ABCD3: variants seen among roughly 807,000 people sequenced by gnomAD.
ABCD3 encodes the protein ATP binding cassette subfamily D member 3.
Under a neutral mutation model 105.5 loss-of-function variants are expected in ABCD3, and 41 were observed. The ratio of observed to expected loss-of-function variants is 0.39; its 90% CI spans 0.30 to 0.50. ABCD3 has a LOEUF of 0.50. ABCD3 is among the 20% of genes least tolerant of loss of function. The probability of loss-of-function intolerance (pLI) is 0.84; values close to 1 mark genes in which losing one functional copy is unlikely to be tolerated. For missense variants in ABCD3, 622 were observed against 806.3 expected, an observed-to-expected ratio of 0.77 and a Z score of 2.77; for synonymous variants, 258 against 269.0, an observed-to-expected ratio of 0.96 and a Z score of 0.40.
intron 21 of ABCD3, among the ~76,000 whole-genome samples, chr1:94,512,413 A>C (rs1650721196): frequency 6.6e-6 from 1 of 152,044 alleles, no homozygotes; most frequent in East Asian, 1.9e-4. Flanking sequence ...ATATATTTAA[A>C]TATGTTGTTT....
At chr1:94,511,609 C>T (rs1650676419) in intron 21 of ABCD3, among the ~76,000 whole-genome samples, 1 of 152,236 alleles carries the variant, frequency 6.6e-6, no homozygotes, top group East Asian at 1.9e-4. Context: ...TTCCATTCTC[C>T]CCGTCACTTT....
intron 20 of ABCD3, among the ~76,000 whole-genome samples, chr1:94,503,136 G>A (rs1650180857): frequency 6.6e-6 from 1 of 152,098 alleles, no homozygotes; most frequent in South Asian, 2.1e-4. Flanking sequence ...TTCTTCCAGT[G>A]TGGCCCAGGG....
At chr1:94,478,192 A>C in intron 7 of ABCD3, 67 bp from the exon 8 acceptor site, 4 of 943,228 alleles carry the variant, frequency 4.2e-6, no homozygotes, top group South Asian at 2.8e-5. Flanking sequence ...TATAGTTAAC[A>C]TGTTGTATTA....
chr1:94,421,822 T>C (rs1659269660), intron 1 of ABCD3, among the ~76,000 whole-genome samples: 1 of 152,174 alleles, frequency 6.6e-6, no homozygotes, highest in Admixed American at 6.5e-5. Context: ...TGTTACAGCA[T>C]CCTTTATCAG....
intron 1 of ABCD3, among the ~76,000 whole-genome samples, chr1:94,446,690 G>A (rs928213779): frequency 1.3e-5 from 2 of 152,202 alleles, no homozygotes; most frequent in Non-Finnish European, 2.9e-5. Flanking sequence ...TAAGGGTTGG[G>A]TAGATACAGG....
chr1:94,396,600 TGTGTGTGTGTGCGCGCGCGCACGTGC>T, the ABCD3 span, among the ~76,000 whole-genome samples: 1 of 150,924 alleles, frequency 6.6e-6, no homozygotes, highest in Non-Finnish European at 1.5e-5. Flanking sequence ...AGTGTGTGTG[TGTGTGTGTGTGCGCGCGCGCACGTGC>T]GTGTGTGTTT....
chr1:94,499,389 G>T, intron 19 of ABCD3, 106 bp from the exon 20 acceptor site: 1 of 1,241,070 alleles, frequency 8.1e-7, no homozygotes. Context: ...TCTTTTAAGT[G>T]GTACAGACAA....
chr1:94,386,198 G>A, the ABCD3 span, among the ~76,000 whole-genome samples: 36 of 152,340 alleles, frequency 2.4e-4, no homozygotes, highest in Non-Finnish European at 4.3e-4. Context: ...CCATGGATGG[G>A]TAGAAGGGTG....
At chr1:94,499,440 T>A in intron 19 of ABCD3, 55 bp from the exon 20 acceptor site, 1 of 1,549,686 alleles carries the variant, frequency 6.5e-7, no homozygotes, top group Non-Finnish European at 8.9e-7. Context: ...AAACCACTAT[T>A]AAGAATGTTG....
At chr1:94,510,174 A>T (rs924491610) in intron 21 of ABCD3, among the ~76,000 whole-genome samples, 5 of 152,000 alleles carry the variant, frequency 3.3e-5, no homozygotes, top group Non-Finnish European at 7.4e-5. Context: ...CGTCCCAGAG[A>T]TTCTGGTATG....
Position 94,467,912 on chromosome 1 carries a change from A to C in ABCD3, c.247-7A>C. 2 of 1,602,158 alleles carry C rather than the reference A, an allele frequency of 1.2e-6. No individual in the cohort carries two copies. Among genetic ancestry groups the C allele is most frequent in the Non-Finnish European group, 1.7e-6 (2 of 1,169,658 alleles). On this transcript the variant is annotated splice_polypyrimidine_tract_variant and splice_region_variant and intron_variant, in intron 3 of 22. Coordinates refer to ENST00000370214, the MANE Select transcript of ABCD3 (RefSeq NM_002858.4). The stretch of plus-strand genomic sequence containing the variant: ...GTATTTAATTTACTATACCTGGTTT[A>C]TTTTAGACAGGTTACTTGGTACTTA...
chr1:94,426,668 G>A (rs958791863), intron 1 of ABCD3, among the ~76,000 whole-genome samples: 2 of 151,368 alleles, frequency 1.3e-5, no homozygotes, highest in Non-Finnish European at 2.9e-5. Context: ...TCACCCTCCC[G>A]AGTAGCTGGG....
In ABCD3 at chr1:94,449,407, C is replaced by A. The variant is rs547528343; in HGVS notation, c.111-9200C>A. The stretch of plus-strand genomic sequence containing the variant: ...ATGGTACCTATGATAGCAGTGATTA[C>A]CATTGCCGTGAGTATTCCTTCAACA... On this transcript the variant is annotated intron_variant, in intron 1 of 22. Transcript: ENST00000370214. 3.3e-3 allele frequency among the ~76,000 whole-genome samples: 510 copies of A among 152,288 alleles called. 7 individuals carry two copies. The highest frequency in any genetic ancestry group is 0.012 in the African/African-American group (480 of 41,560).
At chr1:94,392,777 G>A in the ABCD3 span, among the ~76,000 whole-genome samples, 1 of 152,110 alleles carries the variant, frequency 6.6e-6, no homozygotes, top group African/African-American at 2.4e-5. Flanking sequence ...TCTTTATAGA[G>A]AGATTTGTGA....
rs530604596 is a variant in ABCD3, at chr1:94,483,984, T to C, written c.897+745T>C. Among the ~76,000 whole-genome samples, 3 of 152,278 alleles carry C rather than the reference T, an allele frequency of 2.0e-5. No individual in the cohort carries two copies. In the South Asian group the frequency reaches 6.2e-4, roughly 32 times the overall value. ...CCCATCAAAAAGTGGGCAAAGGATATGAACAGACACTTCTGAAAAGAAGAC... is the reference window on the plus strand; with the variant it reads ...CCCATCAAAAAGTGGGCAAAGGATACGAACAGACACTTCTGAAAAGAAGAC... On this transcript the variant is annotated intron_variant, in intron 10 of 22. Coordinates refer to ENST00000370214, the MANE Select transcript of ABCD3 (RefSeq NM_002858.4).
chr1:94,449,072 T>C (rs1570758309), intron 1 of ABCD3, among the ~76,000 whole-genome samples: 1 of 152,108 alleles, frequency 6.6e-6, no homozygotes, highest in African/African-American at 2.4e-5. Flanking sequence ...AGTTGGGAAA[T>C]AGGTAAAATA....
chr1:94,475,870 G>T (rs1432418037), intron 7 of ABCD3, 133 bp downstream of exon 7: 7 of 724,894 alleles, frequency 9.7e-6, no homozygotes, highest in Non-Finnish European at 1.5e-5. Context: ...AAGAAAATTA[G>T]AGTTGTTGTA....
chr1:94,486,182 ACT>A (rs1219602109), intron 10 of ABCD3, among the ~76,000 whole-genome samples: 3 of 151,910 alleles, frequency 2.0e-5, no homozygotes, highest in Admixed American at 1.3e-4. Context: ...ACAGAGTGAG[ACT>A]CTGTCTCAAA....
chr1:94,513,940 C>G, intron 21 of ABCD3: 1 of 151,920 alleles, frequency 6.6e-6, no homozygotes, highest in East Asian at 1.9e-4. Flanking sequence ...TACAGTGCAG[C>G]CAAACTTATT....
Sources: gnomAD v4.1 joint callset for allele counts (sites outside exome capture counted in the v4.1 genomes callset) on GRCh38, gnomAD v4.1.1 for gene constraint, MANE v1.5 for transcripts, NCBI Gene and HGNC (gene_info 2026-07-23, HGNC 2026-07-21) for gene names.